KDM1A: variants seen among roughly 807,000 people sequenced by gnomAD.
KDM1A encodes lysine demethylase 1A.
A neutral mutation model predicts 109.4 loss-of-function variants in KDM1A; 49 were observed. The ratio of observed to expected loss-of-function variants is 0.45; its 90% confidence interval spans 0.36 to 0.57. The LOEUF is 0.57. KDM1A is among the 20% of genes least tolerant of loss of function. The pLI, the probability that KDM1A is intolerant of heterozygous loss-of-function variation, is 0.00. For missense variants in KDM1A, 668 were observed against 1,116.6 expected (o/e 0.60, Z 5.73); for synonymous variants, 380 against 415.4 (o/e 0.91, Z 1.04).
rs111726508 is a variant in KDM1A at position 23,082,188 on chromosome 1, G to A, written c.2299-32G>A. On this transcript the variant is annotated intron_variant, in intron 19 of 20. Coordinates refer to ENST00000400181, the MANE Select transcript of KDM1A (RefSeq NM_001009999.3). ...AGGATTGATTTGTGCTTGGTGTCTC[G>A]TAATGACTTTTGCTCCTGGTTTTTC... is the stretch of plus-strand genomic sequence containing the variant. 751 of 1,608,638 alleles carry A rather than the reference G, an allele frequency of 4.7e-4. 1 individual carries two copies. Among genetic ancestry groups the A allele is most frequent in the Middle Eastern group, 3.6e-3 (19 of 5,250 alleles).
At chr1:23,052,920 C>T (rs1642714025) in intron 4 of KDM1A, among the ~76,000 whole-genome samples, 1 of 152,198 alleles carries the variant, frequency 6.6e-6, no homozygotes, top group South Asian at 2.1e-4. Flanking sequence ...TCCAGACCTT[C>T]TCTCTCTTCT....
chr1:23,074,642 A>T (rs749409800), intron 15 of KDM1A, among the ~76,000 whole-genome samples: 3 of 152,204 alleles, frequency 2.0e-5, no homozygotes, highest in Non-Finnish European at 4.4e-5. Context: ...CTGTGGTCAC[A>T]AAGATGTTAT....
intron 9 of KDM1A, among the ~76,000 whole-genome samples, chr1:23,062,315 A>T (rs1643023401): frequency 6.6e-6 from 1 of 152,180 alleles, no homozygotes; most frequent in Admixed American, 6.5e-5. Flanking sequence ...GCTTTGTTGT[A>T]GTTACTCTAG....
chr1:23,052,577 T>C (rs910408819), intron 4 of KDM1A, among the ~76,000 whole-genome samples: 4 of 152,236 alleles, frequency 2.6e-5, no homozygotes, highest in African/African-American at 9.6e-5. Flanking sequence ...TGTCATGCAT[T>C]TTGCAAGTAT....
chr1:23,066,167 T>C, intron 10 of KDM1A, 96 bp downstream of exon 10: 2 of 831,938 alleles, frequency 2.4e-6, no homozygotes. Context: ...AAAGATCCTC[T>C]CCATCATACA....
intron 2 of KDM1A, among the ~76,000 whole-genome samples, chr1:23,039,502 C>T (rs1317361094): frequency 6.6e-6 from 1 of 152,146 alleles, no homozygotes; most frequent in Non-Finnish European, 1.5e-5. Context: ...GTTTTGTTGT[C>T]TTTGTGCCAA....
intron 3 of KDM1A, among the ~76,000 whole-genome samples, chr1:23,049,815 G>T (rs925182200): frequency 6.6e-6 from 1 of 152,040 alleles, no homozygotes; most frequent in African/African-American, 2.4e-5. Flanking sequence ...TAATGTTTCT[G>T]CCAGCAAATG....
rs59175262 is a variant in KDM1A at position 23,037,129 on chromosome 1, T to TACACACAC, written c.517+6511_517+6518dup. On this transcript the variant is annotated intron_variant, in intron 2 of 20. Transcript: ENST00000400181. ...CCATCTCCACTAAAAAAAATATATA[T>TACACACAC]ACACACACACACACACACACACAAA... 7.5e-3 allele frequency among the ~76,000 whole-genome samples: 1,107 copies of TACACACAC among 147,718 alleles called. 14 individuals are homozygous for TACACACAC. Among genetic ancestry groups the TACACACAC allele is most frequent in the African/African-American group, 0.026 (1,029 of 40,040 alleles).
intron 2 of KDM1A, among the ~76,000 whole-genome samples, chr1:23,042,292 A>G (rs547365626): frequency 1.3e-5 from 2 of 151,942 alleles, no homozygotes; most frequent in Admixed American, 6.6e-5. Context: ...CTTAAGTGTG[A>G]TTCTTGGAAA....
Position 23,026,279 on chromosome 1 carries a change from G to T in KDM1A, c.352-4190G>T, listed in dbSNP as rs147830268. Among the ~76,000 whole-genome samples, 407 of 151,992 alleles carry T rather than the reference G, an allele frequency of 2.7e-3. 4 individuals carry two copies. The highest frequency in any genetic ancestry group is 9.1e-3 in the African/African-American group (377 of 41,430). On this transcript the variant is annotated intron_variant, in intron 1 of 20. Coordinates refer to ENST00000400181, the MANE Select transcript of KDM1A (RefSeq NM_001009999.3). ...TTTTTTTTAATTTTTATTTTTTGTG[G>T]TACATAGTAGGTATATATATTTATG...
intron 8 of KDM1A, among the ~76,000 whole-genome samples, chr1:23,058,553 G>C (rs187506914): frequency 1.1e-4 from 16 of 152,098 alleles, no homozygotes; most frequent in African/African-American, 3.6e-4. Context: ...TTGCTCTGTT[G>C]CCCAGGCTGA....
chr1:23,055,958 ATAGGCTCT>A lies in KDM1A; in HGVS notation c.911_918del (p.Ile304ArgfsTer42). 1 of 1,612,154 alleles carries A rather than the reference ATAGGCTCT, an allele frequency of 6.2e-7. No homozygotes were observed. The highest frequency in any genetic ancestry group is 8.5e-7 in the Non-Finnish European group (1 of 1,178,758). ...TAAAAAGACAGGAAAGGTAATTATT[ATAGGCTCT>A]GGGGTCTCAGGCTTGGCAGCAGCTC... On this transcript the variant is annotated frameshift_variant, in exon 7 of 21. Coordinates refer to ENST00000400181, the MANE Select transcript of KDM1A (RefSeq NM_001009999.3). LOFTEE classifies it high-confidence loss of function.
At chr1:23,045,259 A>C (rs1259533371) in intron 3 of KDM1A, among the ~76,000 whole-genome samples, 1 of 152,238 alleles carries the variant, frequency 6.6e-6, no homozygotes, top group African/African-American at 2.4e-5. Flanking sequence ...GAATTGGAAT[A>C]GGCACTACTT....
chr1:23,082,499 T>TA (rs2124557163), intron 20 of KDM1A, 133 bp downstream of exon 20: 1 of 830,480 alleles, frequency 1.2e-6, no homozygotes, highest in East Asian at 2.7e-5. Context: ...AGAGCAGAGT[T>TA]AAAAGGATGG....
intron 15 of KDM1A, among the ~76,000 whole-genome samples, chr1:23,076,276 A>G (rs1164583939): frequency 6.6e-6 from 1 of 152,026 alleles, no homozygotes; most frequent in East Asian, 1.9e-4. Context: ...TTACATAGAA[A>G]AATTTTCAGT....
chr1:23,072,903 G>T (rs1643361388), intron 14 of KDM1A, among the ~76,000 whole-genome samples: 2 of 152,178 alleles, frequency 1.3e-5, no homozygotes, highest in Admixed American at 1.3e-4. Context: ...ACCTCCCAAA[G>T]TGCTGGGATT....
Position 23,083,344 on chromosome 1 carries a change from C to T in KDM1A, c.2611C>T (p.Gln871Ter). 1 of 1,613,176 alleles carries T rather than the reference C, an allele frequency of 6.2e-7. No homozygotes were observed. Among genetic ancestry groups the T allele is most frequent in the Non-Finnish European group, 8.5e-7 (1 of 1,179,688 alleles). The change falls in exon 21 of 21, where the codon CAG becomes TAG. Residue 871 changes from glutamine to a stop codon, truncating the protein, a stop_gained. Coordinates refer to ENST00000400181, the MANE Select transcript of KDM1A (RefSeq NM_001009999.3). LOFTEE classifies it high-confidence loss of function. ...PRQATPGVPA[Q>*]QSPSM The stretch of plus-strand genomic sequence containing the variant: ...CCAGGCCACACCAGGTGTTCCTGCA[C>T]AGCAGTCCCCAAGCATGTGAGACAG...
At chr1:23,036,866 A>G (rs1188854723) in intron 2 of KDM1A, among the ~76,000 whole-genome samples, 1 of 152,202 alleles carries the variant, frequency 6.6e-6, no homozygotes, top group Admixed American at 6.5e-5. Context: ...CCCCAAATGT[A>G]GTAGTTCCTC....
At chr1:23,030,098 G>A (rs147427283) in intron 1 of KDM1A, among the ~76,000 whole-genome samples, 12 of 152,256 alleles carry the variant, frequency 7.9e-5, no homozygotes, top group African/African-American at 2.9e-4. Flanking sequence ...AGACAGACTT[G>A]GTATTCTAGT....
Sources: allele counts gnomAD v4.1 joint callset (sites outside exome capture counted in the v4.1 genomes callset), GRCh38; gene constraint gnomAD v4.1.1; transcripts MANE v1.5; gene names NCBI Gene and HGNC (gene_info 2026-07-23, HGNC 2026-07-21).